The following TNS3 variants were observed in gnomAD, a reference collection of about 807,000 sequenced individuals.
TNS3 encodes tensin 3.
TNS3 carries 45 observed loss-of-function variants against 140.9 expected under a neutral mutation model. The observed-to-expected ratio is 0.32, with a 90% CI of 0.25 to 0.41. The LOEUF (loss-of-function observed/expected upper bound fraction) is 0.41, where lower values mean the gene tolerates loss of function less well. Among genes scored for constraint, TNS3 ranks in the 10% least tolerant of loss-of-function variants. The pLI, the probability that TNS3 is intolerant of heterozygous loss-of-function variation, is 1.00. For missense variants in TNS3, 1,716 were observed against 1,906.7 expected, an observed-to-expected ratio of 0.90 and a Z score of 1.86; for synonymous variants, 815 against 788.4, an observed-to-expected ratio of 1.03 and a Z score of -0.56.
At chr7:47,435,967 G>T (rs1214413796) in intron 7 of TNS3, among the ~76,000 whole-genome samples, 3 of 152,220 alleles carry the variant, frequency 2.0e-5, no homozygotes, top group Non-Finnish European at 4.4e-5. Context: ...GCAGCTCTGA[G>T]CGTCCTGAGG....
chr7:47,482,918 G>A (rs574840620), intron 3 of TNS3, among the ~76,000 whole-genome samples: 2 of 152,318 alleles, frequency 1.3e-5, no homozygotes, highest in African/African-American at 4.8e-5. Flanking sequence ...CAGGGATTAG[G>A]AGGGAGAGAG....
chr7:47,336,275 G>A (rs891503394), intron 20 of TNS3, among the ~76,000 whole-genome samples: 9 of 151,320 alleles, frequency 5.9e-5, no homozygotes, highest in African/African-American at 1.2e-4. Context: ...GATTCATAAC[G>A]TTTGCTAAAT....
intron 27 of TNS3, among the ~76,000 whole-genome samples, chr7:47,291,605 G>A (rs1785706634): frequency 6.6e-6 from 1 of 152,144 alleles, no homozygotes; most frequent in Non-Finnish European, 1.5e-5. Flanking sequence ...ATTGACTCAT[G>A]TCAAGTGACT....
At chr7:47,555,026 CA>C (rs1002081887) in intron 1 of TNS3, among the ~76,000 whole-genome samples, 13 of 142,638 alleles carry the variant, frequency 9.1e-5, no homozygotes, top group Admixed American at 2.1e-4. Context: ...GACTCTGTCT[CA>C]AAAAAAAAAG....
intron 20 of TNS3, among the ~76,000 whole-genome samples, chr7:47,326,325 G>A (rs1249644618): frequency 6.6e-6 from 1 of 152,150 alleles, no homozygotes; most frequent in African/African-American, 2.4e-5. Context: ...CTTATTCAAA[G>A]GAAGCCAACT....
At chr7:47,356,031 G>A (rs1789976031) in intron 17 of TNS3, among the ~76,000 whole-genome samples, 1 of 152,212 alleles carries the variant, frequency 6.6e-6, no homozygotes, top group Admixed American at 6.5e-5. Context: ...GGCAGCCCAT[G>A]GGGTCGCCTG....
chr7:47,493,608 G>T (rs564362075), intron 3 of TNS3, among the ~76,000 whole-genome samples: 2 of 151,502 alleles, frequency 1.3e-5, no homozygotes, highest in Non-Finnish European at 2.9e-5. Flanking sequence ...CACGAGGTCA[G>T]GAGATCGAGA....
In TNS3 at chr7:47,477,470, G is replaced by A. The variant is rs146690597; in HGVS notation, c.-76+3633C>T. Among the ~76,000 whole-genome samples the A allele has an allele frequency of 1.9e-3, 285 of 152,280 alleles. 2 individuals are homozygous for A. The highest frequency in any genetic ancestry group is 6.3e-3 in the African/African-American group (262 of 41,540). Reference sequence around the variant, plus strand: ...CCAGGTCTAAGGGCAGGTCACAGAGGGGCCTGCAGGGGCACTGACACCCCA... The same window carrying A: ...CCAGGTCTAAGGGCAGGTCACAGAGAGGCCTGCAGGGGCACTGACACCCCA... On this transcript the variant is annotated intron_variant, in intron 4 of 30. Transcript: ENST00000311160.
intron 2 of TNS3, among the ~76,000 whole-genome samples, chr7:47,508,177 TG>T (rs1798487467): frequency 6.6e-6 from 1 of 152,156 alleles, no homozygotes; most frequent in South Asian, 2.1e-4. Context: ...AAAAGGTTTG[TG>T]TAGGGTTGAA....
chr7:47,453,781 A>G (rs1408641313), intron 4 of TNS3, among the ~76,000 whole-genome samples: 1 of 152,212 alleles, frequency 6.6e-6, no homozygotes, highest in East Asian at 1.9e-4. Context: ...TCTTGGTGAC[A>G]TAGAGTCCCG....
At chr7:47,427,259 GCA>G (rs1023722110) in intron 9 of TNS3, among the ~76,000 whole-genome samples, 2 of 151,712 alleles carry the variant, frequency 1.3e-5, no homozygotes, top group South Asian at 2.1e-4. Flanking sequence ...GATTTTCCTG[GCA>G]CACACACACA....
chr7:47,320,017 C>T (rs1211425237), intron 20 of TNS3, among the ~76,000 whole-genome samples: 1 of 152,204 alleles, frequency 6.6e-6, no homozygotes, highest in African/African-American at 2.4e-5. Flanking sequence ...AAACCCTTCA[C>T]TCAGTTAACA....
chr7:47,448,654 A>AT (rs1795870000), intron 4 of TNS3, among the ~76,000 whole-genome samples: 1 of 151,886 alleles, frequency 6.6e-6, no homozygotes, highest in Non-Finnish European at 1.5e-5. Context: ...TAATTTTTGT[A>AT]TTTTTAGTAG....
chr7:47,557,110 C>G (rs1017957513), intron 1 of TNS3: 44 of 456,844 alleles, frequency 9.6e-5, no homozygotes, highest in African/African-American at 8.2e-4. Flanking sequence ...TGATCTCTGC[C>G]TGGAGCACAT....
In TNS3 at chr7:47,374,204, C is replaced by G. The variant is rs142159320; in HGVS notation, c.1025-4583G>C. 4.7e-4 allele frequency among the ~76,000 whole-genome samples: 72 copies of G among 152,306 alleles called. 1 individual carries two copies. In the East Asian group the frequency reaches 0.012, roughly 26 times the overall value. On this transcript the variant is annotated intron_variant, in intron 16 of 30. Coordinates refer to ENST00000311160, the MANE Select transcript of TNS3 (RefSeq NM_022748.12). ...AAGCAGGAAGCATGGGCCAGAGATC[C>G]AGGGAACATTTGAACATTATCTGGC...
intron 17 of TNS3, among the ~76,000 whole-genome samples, chr7:47,366,324 C>A (rs1000748763): frequency 3.3e-5 from 5 of 152,252 alleles, no homozygotes; most frequent in East Asian, 3.9e-4. Context: ...TCTCCAGGCT[C>A]CTTCCAACTC....
chr7:47,290,236 C>T (rs1011225038), intron 27 of TNS3, among the ~76,000 whole-genome samples: 2 of 152,146 alleles, frequency 1.3e-5, no homozygotes, highest in Admixed American at 1.3e-4. Flanking sequence ...CAAAAATTAA[C>T]TTAAAACGGA....
chr7:47,581,279 G>A (rs948271004), intron 1 of TNS3, among the ~76,000 whole-genome samples: 1 of 151,884 alleles, frequency 6.6e-6, no homozygotes, highest in Non-Finnish European at 1.5e-5. Context: ...CGTGCCAGGA[G>A]GCACATGCCA....
At chr7:47,359,658 A>C (rs982195541) in intron 17 of TNS3, among the ~76,000 whole-genome samples, 1 of 152,226 alleles carries the variant, frequency 6.6e-6, no homozygotes, top group African/African-American at 2.4e-5. Context: ...CTCAAAATTC[A>C]TATGACTTTA....
Sources: gnomAD v4.1 joint callset for allele counts (sites outside exome capture counted in the v4.1 genomes callset) on GRCh38, gnomAD v4.1.1 for gene constraint, MANE v1.5 for transcripts, NCBI Gene and HGNC (gene_info 2026-07-23, HGNC 2026-07-21) for gene names.